The following ABCA1 variants were observed in gnomAD, a reference collection of about 807,000 sequenced individuals.
ABCA1 encodes the protein ATP binding cassette subfamily A member 1.
Under a neutral mutation model 262.5 loss-of-function variants are expected in ABCA1, and 133 were observed. The observed-to-expected ratio is 0.51, with a 90% CI of 0.44 to 0.59. ABCA1 has a LOEUF of 0.59. Ranked by LOEUF, ABCA1 falls within the 20% of genes least tolerant of loss-of-function variation. The pLI is 0.00. For synonymous variants in ABCA1, 1,022 were observed against 1,043.5 expected, an observed-to-expected ratio of 0.98 and a Z score of 0.40; for missense variants, 2,452 against 2,777.5, an observed-to-expected ratio of 0.88 and a Z score of 2.63.
intron 27 of ABCA1, among the ~76,000 whole-genome samples, chr9:104,813,338 ATTTG>A (rs1407153006): frequency 6.6e-6 from 1 of 152,214 alleles, no homozygotes; most frequent in African/African-American, 2.4e-5. Flanking sequence ...TCTTAACAAT[ATTTG>A]TTTGATGTCT....
chr9:104,844,029 A>G (rs1348175586), intron 8 of ABCA1, among the ~76,000 whole-genome samples: 2 of 89,652 alleles, frequency 2.2e-5, no homozygotes, highest in African/African-American at 2.7e-4. Flanking sequence ...TAATGCCAGA[A>G]AAAAAAAAAA....
At chr9:104,857,606 T>A (rs933824671) in intron 7 of ABCA1, among the ~76,000 whole-genome samples, 1 of 152,214 alleles carries the variant, frequency 6.6e-6, no homozygotes, top group Admixed American at 6.5e-5. Flanking sequence ...TTCTAGGGTA[T>A]GATCTGGGAA....
intron 1 of ABCA1, among the ~76,000 whole-genome samples, chr9:104,919,415 G>C (rs1347160803): frequency 2.0e-5 from 3 of 152,062 alleles, no homozygotes; most frequent in Non-Finnish European, 2.9e-5. Flanking sequence ...TTAAAGACCA[G>C]CCTAGCCACC....
chr9:104,845,528 C>T lies in ABCA1; in HGVS notation c.762G>A (p.Leu254=). The T allele has an allele frequency of 6.2e-7, 1 of 1,614,070 alleles. No homozygotes were observed. Residue 254 remains leucine (L), a synonymous_variant, in exon 8 of 50, where the codon CTG becomes CTA. Transcript: ENST00000374736. ...NSTSPFPSKE[L]AEATKTLLHS... ...GCAGCAATGTTTTTGTGGCTTCAGC[C>T]AGCTCCTTGCTCGGGAAGGGAGATG...
Position 104,926,765 on chromosome 9 carries a change from G to C in ABCA1, c.-93+1170C>G, listed in dbSNP as rs372700428. On this transcript the variant is annotated intron_variant, in intron 1 of 49. Coordinates refer to ENST00000374736, the MANE Select transcript of ABCA1 (RefSeq NM_005502.4). ...CCCGGTCATTCCACGGCACCACCTCGGCCCAGCTTCCCCATCTGCGCCCAG... is the reference window on the plus strand; with the variant it reads ...CCCGGTCATTCCACGGCACCACCTCCGCCCAGCTTCCCCATCTGCGCCCAG... Among the ~76,000 whole-genome samples, 37 of 152,296 alleles carry C rather than the reference G, an allele frequency of 2.4e-4. 2 individuals are homozygous for C. The highest frequency in any genetic ancestry group is 8.7e-4 in the African/African-American group (36 of 41,570).
At chr9:104,861,328 T>G in intron 6 of ABCA1, 1 of 422,986 alleles carries the variant, frequency 2.4e-6, no homozygotes. Flanking sequence ...CTCCTCCAGA[T>G]CAATAACCCT....
intron 5 of ABCA1, among the ~76,000 whole-genome samples, 165 bp from the exon 6 acceptor site, chr9:104,861,965 G>A (rs1482281495): frequency 2.0e-5 from 3 of 151,968 alleles, no homozygotes; most frequent in Non-Finnish European, 2.9e-5. Context: ...CATATCAGGA[G>A]AGGCATGAAA....
chr9:104,827,042 G>C lies in ABCA1; in HGVS notation c.2243C>G (p.Ala748Gly), dbSNP rs774370254. The C allele has an allele frequency of 1.2e-6, 2 of 1,614,172 alleles. No homozygotes were observed. The highest frequency in any genetic ancestry group is 1.7e-6 in the Non-Finnish European group (2 of 1,180,042). The change falls in exon 16 of 50, where the codon GCC (alanine) becomes GGC (glycine). Residue 748 changes from alanine (A) to glycine (G), a missense_variant. Physicochemically the swap from Ala to Gly is moderately conservative, Grantham distance 60. Transcript: ENST00000374736. Reference protein sequence around the residue: ...TLFSRANLAAACGGIIYFTLY... With the variant: ...TLFSRANLAAGCGGIIYFTLY... ...CGTGAAGTAGATGATGCCCCCACAG[G>C]CTGCTGCCAGGTTGGCTCTGGAGAA...
chr9:104,862,258 C>A (rs1042230166), intron 5 of ABCA1, among the ~76,000 whole-genome samples: 1 of 151,814 alleles, frequency 6.6e-6, no homozygotes, highest in African/African-American at 2.4e-5. Flanking sequence ...TATGCATCAC[C>A]ATGACTGGCA....
In ABCA1 at chr9:104,861,686, A is replaced by G. The variant is rs751040729; in HGVS notation, c.536T>C (p.Leu179Pro). The change falls in exon 6 of 50, where the codon CTC becomes CCC. Residue 179 changes from leucine (L) to proline (P), a missense_variant. Leu to Pro is a moderately conservative substitution (Grantham distance 98, BLOSUM62 -3). Around this residue, in one of 4 missense-constraint regions of ABCA1, gnomAD observed 1,032 missense variants for 1,089.7 expected, o/e 0.95. Coordinates refer to ENST00000374736, the MANE Select transcript of ABCA1 (RefSeq NM_005502.4). ...CTGGAGGCATCAGCTTACCTTGTGG[A>G]GAATGACATCAGCCCTCAGCATCTT... is the stretch of plus-strand genomic sequence containing the variant. ...VDKMLRADVILHKVFLQGYQL... is the reference protein window; with the variant it reads ...VDKMLRADVIPHKVFLQGYQL... 5 of 1,614,206 alleles carry G rather than the reference A, an allele frequency of 3.1e-6. No individual in the cohort carries two copies. Among genetic ancestry groups the G allele is most frequent in the Non-Finnish European group, 3.4e-6 (4 of 1,180,040 alleles).
At chr9:104,903,856 C>T (rs1360608162) in intron 1 of ABCA1, 85 bp from the exon 2 acceptor site, 7 of 653,968 alleles carry the variant, frequency 1.1e-5, no homozygotes, top group Admixed American at 4.6e-5. Context: ...CCAGCCCTCT[C>T]AGCTGAGACC....
chr9:104,883,637 G>A (rs1361379290), intron 4 of ABCA1, among the ~76,000 whole-genome samples: 1 of 152,198 alleles, frequency 6.6e-6, no homozygotes, highest in East Asian at 1.9e-4. Flanking sequence ...ATGCAGTCAT[G>A]AAATATAATT....
intron 40 of ABCA1, 54 bp from the exon 41 acceptor site, chr9:104,793,354 C>G (rs1829597684): frequency 6.2e-7 from 1 of 1,612,970 alleles, no homozygotes; most frequent in African/African-American, 1.3e-5. Context: ...AAAACCATGG[C>G]CCTTCCTCAA....
chr9:104,787,500 A>G (rs1176935296), intron 46 of ABCA1, among the ~76,000 whole-genome samples: 1 of 152,190 alleles, frequency 6.6e-6, no homozygotes, highest in East Asian at 1.9e-4. Context: ...ACAGAAGAAA[A>G]AAGGTCAAGG....
At chr9:104,824,113 A>G (rs776781625) in intron 18 of ABCA1, among the ~76,000 whole-genome samples, 13 of 152,216 alleles carry the variant, frequency 8.5e-5, no homozygotes, top group Non-Finnish European at 1.3e-4. Context: ...TGTCACAGGC[A>G]GGCAGCGAGG....
At position 104,846,506 on chromosome 9, in the gene ABCA1, T is replaced by C. The variant is rs563211680; in HGVS notation, c.721-937A>G. 2.6e-4 allele frequency among the ~76,000 whole-genome samples: 39 copies of C among 152,356 alleles called. No individual in the cohort carries two copies. The South Asian group carries it at 7.9e-3, about 31-fold the overall frequency. Reference sequence around the variant, plus strand: ...CAGAGACTGCTGTGAAATTATAATGTAGACTACACAAGAAAATGTCTAGAA... The same window carrying C: ...CAGAGACTGCTGTGAAATTATAATGCAGACTACACAAGAAAATGTCTAGAA... On this transcript the variant is annotated intron_variant, in intron 7 of 49. Coordinates refer to ENST00000374736, the MANE Select transcript of ABCA1 (RefSeq NM_005502.4).
intron 8 of ABCA1, among the ~76,000 whole-genome samples, chr9:104,841,338 G>A (rs1381766739): frequency 2.0e-5 from 3 of 152,080 alleles, no homozygotes; most frequent in Non-Finnish European, 4.4e-5. Context: ...TACTGGGGAG[G>A]CTGAGGCAGG....
intron 1 of ABCA1, among the ~76,000 whole-genome samples, chr9:104,923,221 C>G (rs1198880849): frequency 6.6e-6 from 1 of 152,184 alleles, no homozygotes; most frequent in Non-Finnish European, 1.5e-5. Flanking sequence ...GGTTTTACAA[C>G]TAAACTAACA....
chr9:104,784,279 T>C lies in ABCA1; in HGVS notation c.*36A>G. The C allele has an allele frequency of 6.2e-7, 1 of 1,613,220 alleles. No individual in the cohort carries two copies. The highest frequency in any genetic ancestry group is 8.5e-7 in the Non-Finnish European group (1 of 1,179,360). ...ATGGTGCAAAGGAAAGTCTAGTTCC[T>C]CTTTACTTTCAGCCACCCCGTATGA... On this transcript the variant is annotated 3_prime_UTR_variant, in exon 50 of 50. Transcript: ENST00000374736.
Sources: allele counts gnomAD v4.1 joint callset (sites outside exome capture counted in the v4.1 genomes callset), GRCh38; gene constraint gnomAD v4.1.1; regional missense constraint gnomAD v4.1.1; transcripts MANE v1.5; gene names NCBI Gene and HGNC (gene_info 2026-07-23, HGNC 2026-07-21).